BAHCC1: variants seen among roughly 807,000 people sequenced by gnomAD.
The protein encoded by BAHCC1 is BAH and coiled-coil domain-containing protein 1.
Under a neutral mutation model 88.2 loss-of-function variants are expected in BAHCC1, and 43 were observed. The observed-to-expected ratio is 0.49, with a 90% CI of 0.38 to 0.63. BAHCC1 has a LOEUF of 0.63. Among genes scored for constraint, BAHCC1 ranks in the 20% least tolerant of loss-of-function variants. BAHCC1 has a pLI of 0.00. For missense variants in BAHCC1, 3,023 were observed against 1,654.8 expected (o/e 1.83, Z -14.34); for synonymous variants, 1,510 against 745.5 (o/e 2.03, Z -16.71).
At chr17:81,418,215 C>G (rs2064059943) in intron 2 of BAHCC1, among the ~76,000 whole-genome samples, 1 of 152,222 alleles carries the variant, frequency 6.6e-6, no homozygotes, top group Non-Finnish European at 1.5e-5. Context: ...AGAGCGCCGC[C>G]CCGAATCTGG....
intron 3 of BAHCC1, among the ~76,000 whole-genome samples, chr17:81,428,542 C>A (rs2064225910): frequency 6.6e-6 from 1 of 152,234 alleles, no homozygotes; most frequent in East Asian, 1.9e-4. Context: ...ACCAGCCCAT[C>A]CCCAATGCTC....
Position 81,460,289 on chromosome 17 carries a change from A to G in BAHCC1, c.5918A>G (p.Asp1973Gly), listed in dbSNP as rs1253215047. Reference sequence around the variant, plus strand: ...GTGCCGTCCACAGGGGCCTCCGGTGACGAAGATGAGGACCTGGACTCAGTA... The same window carrying G: ...GTGCCGTCCACAGGGGCCTCCGGTGGCGAAGATGAGGACCTGGACTCAGTA... ...PGNVVRGASG[D>G]EDEDLDSVVV... The change falls in exon 24 of 28, where the codon GAC (aspartate) becomes GGC (glycine). Residue 1973 changes from aspartate (D) to glycine (G), a missense_variant. Transcript: ENST00000675386. 2 of 773,084 alleles carry G rather than the reference A, an allele frequency of 2.6e-6. No homozygotes were observed. The highest frequency in any genetic ancestry group is 4.9e-5 in the East Asian group (2 of 40,958). 47.9% of individuals were successfully genotyped at this position (773,084 alleles called of 1,614,324 possible). A position where few individuals can be genotyped will look rare whatever the true frequency, so the allele number is the denominator to read the frequency against.
At chr17:81,455,185 A>G in intron 14 of BAHCC1, 82 bp from the exon 15 acceptor site, 1 of 674,270 alleles carries the variant, frequency 1.5e-6, no homozygotes, top group Non-Finnish European at 2.7e-6. Context: ...CCACAGTGTG[A>G]CCCACTACAG....
chr17:81,439,444 G>A (rs1468245850), intron 4 of BAHCC1, among the ~76,000 whole-genome samples: 1 of 152,002 alleles, frequency 6.6e-6, no homozygotes, highest in African/African-American at 2.4e-5. Flanking sequence ...ATGGGAGGGT[G>A]CACCTGGGGA....
Position 81,399,920 on chromosome 17 carries a change from C to T in BAHCC1, c.178+3C>T. The T allele has an allele frequency of 3.6e-6, 5 of 1,383,684 alleles. No individual in the cohort carries two copies. Among genetic ancestry groups the T allele is most frequent in the Non-Finnish European group, 4.7e-6 (5 of 1,067,186 alleles). The allele number at this position is 1,383,684 out of a possible 1,614,324, so 85.7% of individuals were successfully genotyped here. A position where few individuals can be genotyped will look rare whatever the true frequency, so the allele number is the denominator to read the frequency against. ...GTTGCCCATGGCTTCGCACACAGGT[C>T]AGTGCTCGGCCGGGGCGGGCGCGGG... On this transcript the variant is annotated splice_donor_region_variant and intron_variant, in intron 2 of 27. Coordinates refer to ENST00000675386, the MANE Select transcript of BAHCC1 (RefSeq NM_001377448.1). This position sits in a 1 kb window ranked among gnomAD's most constrained non-coding sequence, Gnocchi z 4.5.
At chr17:81,431,342 A>G (rs1251247866) in intron 3 of BAHCC1, among the ~76,000 whole-genome samples, 1 of 134,778 alleles carries the variant, frequency 7.4e-6, no homozygotes, top group African/African-American at 3.1e-5. Context: ...GCCCGCTGAG[A>G]CTTTATGCAT....
intron 3 of BAHCC1, among the ~76,000 whole-genome samples, chr17:81,432,610 C>CCCATCGCCGGGCCCACCCT (rs2064276724): frequency 5.4e-5 from 4 of 73,560 alleles, no homozygotes; most frequent in African/African-American, 1.5e-4. Flanking sequence ...CAACCTCCGT[C>CCCATCGCCGGGCCCACCCT]CCCAGCCCTG....
rs1259388927 is a variant in BAHCC1, at chr17:81,424,083, G to A, written c.179-2717G>A. Among the ~76,000 whole-genome samples, 12 of 152,310 alleles carry A rather than the reference G, an allele frequency of 7.9e-5. No individual in the cohort carries two copies. The South Asian group carries it at 1.2e-3, about 16-fold the overall frequency. ...TTTTAGAAGCAGATCCGTCCTCAGC[G>A]CCACCCTTCCTTCCTCTGTCCCCCG... On this transcript the variant is annotated intron_variant, in intron 2 of 27. Transcript: ENST00000675386.
Position 81,399,921 on chromosome 17 carries a change from A to G in BAHCC1, c.178+4A>G. The G allele has an allele frequency of 7.2e-7, 1 of 1,382,568 alleles. No individual in the cohort carries two copies. The highest frequency in any genetic ancestry group is 3.7e-5 in the Admixed American group (1 of 27,266). 85.6% of individuals were successfully genotyped at this position (1,382,568 alleles called of 1,614,324 possible). ...TTGCCCATGGCTTCGCACACAGGTCAGTGCTCGGCCGGGGCGGGCGCGGGA... is the reference window on the plus strand; with the variant it reads ...TTGCCCATGGCTTCGCACACAGGTCGGTGCTCGGCCGGGGCGGGCGCGGGA... On this transcript the variant is annotated splice_donor_region_variant and intron_variant, in intron 2 of 27. Transcript: ENST00000675386. The surrounding 1 kb of genome is among the most constrained non-coding windows in gnomAD (Gnocchi z 4.5).
At chr17:81,421,941 C>T (rs1347791681) in intron 2 of BAHCC1, 1 of 429,558 alleles carries the variant, frequency 2.3e-6, no homozygotes, top group African/African-American at 2.1e-5. Flanking sequence ...GCAGCTGTGC[C>T]CAGAAGTGGT....
intron 11 of BAHCC1, among the ~76,000 whole-genome samples, chr17:81,448,459 C>T (rs914052575): frequency 6.6e-6 from 1 of 152,274 alleles, no homozygotes; most frequent in Middle Eastern, 3.4e-3. Flanking sequence ...CCACCCTGGG[C>T]CTTGGTCCGG....
intron 8 of BAHCC1, 77 bp from the exon 9 acceptor site, chr17:81,444,937 AG>A: frequency 7.3e-6 from 5 of 684,458 alleles, no homozygotes; most frequent in Middle Eastern, 3.0e-4. Flanking sequence ...TGGTGGGCTG[AG>A]GAAAGGGTGG....
At chr17:81,453,348 C>T (rs906608979) in intron 14 of BAHCC1, among the ~76,000 whole-genome samples, 6 of 152,268 alleles carry the variant, frequency 3.9e-5, no homozygotes, top group South Asian at 2.1e-4. Context: ...ATTGCCTCTC[C>T]CGGCAGGCCC....
rs782228993 is a variant in BAHCC1 at position 81,458,657 on chromosome 17, C to T, written c.5380C>T (p.Arg1794Cys). 10 of 720,760 alleles carry T rather than the reference C, an allele frequency of 1.4e-5. No individual in the cohort carries two copies. Among genetic ancestry groups the T allele is most frequent in the Admixed American group, 2.0e-5 (1 of 50,328 alleles). 44.6% of individuals were successfully genotyped at this position (720,760 alleles called of 1,614,324 possible). A position where few individuals can be genotyped will look rare whatever the true frequency, so the allele number is the denominator to read the frequency against. The change falls in exon 19 of 28, where the codon CGC (arginine) becomes TGC (cysteine). Residue 1794 changes from arginine to cysteine, a missense_variant. Coordinates refer to ENST00000675386, the MANE Select transcript of BAHCC1 (RefSeq NM_001377448.1). The stretch of plus-strand genomic sequence containing the variant: ...GGCCCTGTCCATCACGCTGGCCACA[C>T]GCAACGCCAAGGCCATCCTGGGGAA... Reference protein sequence around the residue: ...NGALSITLATRNAKAILGKGR... With the variant: ...NGALSITLATCNAKAILGKGR...
Position 81,442,369 on chromosome 17 carries a change from G to C in BAHCC1, c.1020G>C (p.Arg340=). The C allele has an allele frequency of 1.4e-6, 1 of 701,984 alleles. No homozygotes were observed. The highest frequency in any genetic ancestry group is 1.5e-5 in the South Asian group (1 of 66,654). 43.5% of individuals were successfully genotyped at this position (701,984 alleles called of 1,614,324 possible). A position where few individuals can be genotyped will look rare whatever the true frequency, so the allele number is the denominator to read the frequency against. ...CGGCCTTCAGCGAGTGCCTGGAGCG[G>C]CGGCAGATGCTACACCACACCGCAT... ...PGPAFSECLE[R]RQMLHHTASY... Residue 340 remains arginine, a synonymous_variant, in exon 5 of 28, where the codon CGG becomes CGC. Transcript: ENST00000675386.
intron 3 of BAHCC1, among the ~76,000 whole-genome samples, chr17:81,431,966 G>T (rs2064265846): frequency 6.6e-6 from 1 of 152,198 alleles, no homozygotes; most frequent in African/African-American, 2.4e-5. Flanking sequence ...GCAGGACTGT[G>T]GCAGATGCGG....
Position 81,461,827 on chromosome 17 carries a change from G to A in BAHCC1, c.7164G>A (p.Gln2388=). Residue 2388 remains glutamine, a synonymous_variant, in exon 26 of 28, where the codon CAG becomes CAA. Coordinates refer to ENST00000675386, the MANE Select transcript of BAHCC1 (RefSeq NM_001377448.1). ...SKGSGPHAHA[Q]RCFLSRATVA... ...GCAGCGGCCCTCACGCGCATGCCCA[G>A]CGCTGCTTCCTGTCCAGGGCCACGG... The A allele has an allele frequency of 1.4e-6, 1 of 718,666 alleles. No individual in the cohort carries two copies. The allele number at this position is 718,666 out of a possible 1,614,324, so 44.5% of individuals were successfully genotyped here.
Position 81,443,926 on chromosome 17 carries a change from T to C in BAHCC1, c.2324+9T>C. On this transcript the variant is annotated intron_variant, in intron 6 of 27. Coordinates refer to ENST00000675386, the MANE Select transcript of BAHCC1 (RefSeq NM_001377448.1). ...CGCGAGCTGCTGCTGCAGTGAGAGCTGGGCCTGTGGCCCTGGAGAGTGGGG... is the reference window on the plus strand; with the variant it reads ...CGCGAGCTGCTGCTGCAGTGAGAGCCGGGCCTGTGGCCCTGGAGAGTGGGG... The C allele has an allele frequency of 2.8e-6, 2 of 708,980 alleles. No homozygotes were observed. Among genetic ancestry groups the C allele is most frequent in the East Asian group, 2.7e-5 (1 of 37,284 alleles). The allele number at this position is 708,980 out of a possible 1,614,324, so 43.9% of individuals were successfully genotyped here. A position where few individuals can be genotyped will look rare whatever the true frequency, so the allele number is the denominator to read the frequency against.
rs2030046457 is a variant in BAHCC1 at position 81,459,410 on chromosome 17, G to A, written c.5796+82G>A. 7 of 760,604 alleles carry A rather than the reference G, an allele frequency of 9.2e-6. No homozygotes were observed. The South Asian group carries it at 9.6e-5, about 10-fold the overall frequency. The allele number at this position is 760,604 out of a possible 1,614,324, so 47.1% of individuals were successfully genotyped here. On this transcript the variant is annotated intron_variant, in intron 22 of 27. Coordinates refer to ENST00000675386, the MANE Select transcript of BAHCC1 (RefSeq NM_001377448.1). ...AAGGAAGGCCTTGGCCTGGGCCGCA[G>A]CCACTCCCAGGCCCAGGGACCAGAC...
Sources: allele counts gnomAD v4.1 joint callset (sites outside exome capture counted in the v4.1 genomes callset), GRCh38; gene constraint gnomAD v4.1.1; non-coding constraint Gnocchi (gnomAD v3.1); transcripts MANE v1.5; gene names NCBI Gene and HGNC (gene_info 2026-07-23, HGNC 2026-07-21).